Variants in DTL observed in about 807,000 individuals in gnomAD.
DTL encodes denticleless E3 ubiquitin protein ligase adapter, also known as denticleless protein homolog.
A neutral mutation model predicts 87.0 loss-of-function variants in DTL; 46 were observed. The ratio of observed to expected loss-of-function variants is 0.53; its 90% CI spans 0.42 to 0.68. The LOEUF is 0.68. Ranked by LOEUF, DTL falls within the 30% of genes least tolerant of loss-of-function variation. The pLI is 0.00. For missense variants in DTL, 737 were observed against 869.4 expected (o/e 0.85, Z 1.91); for synonymous variants, 308 against 311.2 (o/e 0.99, Z 0.11).
chr1:212,036,016 A>C (rs1667441079), intron 1 of DTL, 74 bp downstream of exon 1: 10 of 1,455,400 alleles, frequency 6.9e-6, no homozygotes, highest in African/African-American at 1.4e-5. Flanking sequence ...ACCTCCGACC[A>C]GGGCCGACTC....
chr1:212,075,730 CAT>C (rs1173669926), intron 11 of DTL, among the ~76,000 whole-genome samples: 3 of 152,090 alleles, frequency 2.0e-5, no homozygotes, highest in Non-Finnish European at 4.4e-5. Flanking sequence ...ATTCATATAA[CAT>C]ATAATTCACC....
At chr1:212,073,953 T>A (rs929929531) in intron 11 of DTL, among the ~76,000 whole-genome samples, 2 of 152,064 alleles carry the variant, frequency 1.3e-5, no homozygotes, top group Non-Finnish European at 2.9e-5. Context: ...TTGCTCACTG[T>A]CTTGCCTATG....
chr1:212,092,114 C>A (rs1485679816), intron 13 of DTL, among the ~76,000 whole-genome samples: 1 of 152,158 alleles, frequency 6.6e-6, no homozygotes, highest in Non-Finnish European at 1.5e-5. Context: ...CCCTTACCTC[C>A]CTCCCACCTT....
rs368102907 is a variant in DTL at position 212,070,071 on chromosome 1, T to C, written c.922+1368T>C. On this transcript the variant is annotated intron_variant, in intron 10 of 14. Transcript: ENST00000366991. ...GAGCTTGGAGAGCTGCTAATTTAGT[T>C]AGTCAAATAAAATAGACTTTTCAAC... Among the ~76,000 whole-genome samples, 13 of 152,320 alleles carry C rather than the reference T, an allele frequency of 8.5e-5. No individual in the cohort carries two copies. The South Asian group carries it at 2.5e-3, about 29-fold the overall frequency.
chr1:212,062,843 G>C (rs770328319), intron 5 of DTL, 41 bp from the exon 6 acceptor site: 1 of 1,518,068 alleles, frequency 6.6e-7, no homozygotes, highest in South Asian at 1.1e-5. Context: ...GTCATTGACT[G>C]GTTTTGTTAA....
intron 5 of DTL, among the ~76,000 whole-genome samples, chr1:212,055,456 C>T (rs574233901): frequency 6.6e-6 from 1 of 152,306 alleles, no homozygotes; most frequent in African/African-American, 2.4e-5. Context: ...CCAGCCCCCA[C>T]CAGACTGTGT....
At chr1:212,079,617 C>T (rs1350887693) in intron 12 of DTL, among the ~76,000 whole-genome samples, 1 of 152,120 alleles carries the variant, frequency 6.6e-6, no homozygotes, top group Non-Finnish European at 1.5e-5. Context: ...TCCCATTTTG[C>T]ATATGAGATT....
chr1:212,066,907 C>T (rs2102552615), intron 8 of DTL, 22 bp downstream of exon 8: 1 of 1,588,446 alleles, frequency 6.3e-7, no homozygotes, highest in African/African-American at 1.3e-5. Flanking sequence ...TTTCTTTTTT[C>T]TTCCGACGAG....
chr1:212,044,804 A>G, intron 3 of DTL, 46 bp downstream of exon 3: 1 of 1,092,758 alleles, frequency 9.2e-7, no homozygotes, highest in Non-Finnish European at 1.4e-6. Flanking sequence ...AAAAAACTTT[A>G]CACATCCTCA....
In DTL at chr1:212,044,851, G is replaced by A. The variant is rs1667764765; in HGVS notation, c.277+93G>A. On this transcript the variant is annotated intron_variant, in intron 3 of 14. Coordinates refer to ENST00000366991, the MANE Select transcript of DTL (RefSeq NM_016448.4). Reference sequence around the variant, plus strand: ...ATTTGAACACATTCTGTTTTAGTCTGTCTTCTGTTGCTATAAAGGAATAAC... The same window carrying A: ...ATTTGAACACATTCTGTTTTAGTCTATCTTCTGTTGCTATAAAGGAATAAC... 6.7e-6 allele frequency: 5 copies of A among 746,098 alleles called. No homozygotes were observed. The East Asian group carries it at 1.3e-4, about 20-fold the overall frequency. 46.2% of individuals were successfully genotyped at this position (746,098 alleles called of 1,614,324 possible).
intron 10 of DTL, among the ~76,000 whole-genome samples, chr1:212,071,046 G>A (rs903376031): frequency 6.6e-6 from 1 of 152,144 alleles, no homozygotes; most frequent in South Asian, 2.1e-4. Flanking sequence ...AGTGATAATA[G>A]GTGTATACAA....
chr1:212,055,849 AC>A (rs1158595525), intron 5 of DTL, among the ~76,000 whole-genome samples: 5 of 152,012 alleles, frequency 3.3e-5, no homozygotes, highest in Admixed American at 6.5e-5. Context: ...ACCCAAGCAC[AC>A]CCTCTGGGAG....
chr1:212,064,444 A>G (rs572848103), intron 6 of DTL, among the ~76,000 whole-genome samples: 155 of 152,322 alleles, frequency 1.0e-3, no homozygotes, highest in African/African-American at 3.5e-3. Flanking sequence ...ATATTGACAA[A>G]TGTGTAATGA....
intron 13 of DTL, among the ~76,000 whole-genome samples, chr1:212,100,014 C>A (rs1012077184): frequency 6.6e-6 from 1 of 151,920 alleles, no homozygotes; most frequent in African/African-American, 2.4e-5. Context: ...TTATGTTTTT[C>A]GGTATTTTGT....
At chr1:212,076,277 T>C (rs1311268911) in intron 11 of DTL, among the ~76,000 whole-genome samples, 1 of 152,188 alleles carries the variant, frequency 6.6e-6, no homozygotes, top group Admixed American at 6.6e-5. Flanking sequence ...TGTTTAACTT[T>C]CTGAGGAAAC....
chr1:212,084,660 A>G (rs1655078644), intron 13 of DTL, among the ~76,000 whole-genome samples: 1 of 152,198 alleles, frequency 6.6e-6, no homozygotes, highest in Non-Finnish European at 1.5e-5. Flanking sequence ...CTAGACCTCT[A>G]AATAGTTTTG....
At chr1:212,087,989 A>G (rs17018472) in intron 13 of DTL, among the ~76,000 whole-genome samples, 4,005 of 152,002 alleles carry the variant, frequency 0.026, 61 homozygotes, top group African/African-American at 0.047. Context: ...CTCTTTCCCT[A>G]TGTTTTAGCC....
chr1:212,041,173 GT>G (rs1365462780), intron 1 of DTL, among the ~76,000 whole-genome samples: 1 of 152,168 alleles, frequency 6.6e-6, no homozygotes, highest in East Asian at 1.9e-4. Context: ...TGGTTCATCA[GT>G]GAAGTGTGTA....
At chr1:212,073,370 AT>A (rs1229697344) in intron 11 of DTL, among the ~76,000 whole-genome samples, 2 of 152,330 alleles carry the variant, frequency 1.3e-5, no homozygotes, top group East Asian at 3.9e-4. Flanking sequence ...GAGTTCACAT[AT>A]TTTGGGTTTT....
Sources: gnomAD v4.1 joint callset for allele counts (sites outside exome capture counted in the v4.1 genomes callset) on GRCh38, gnomAD v4.1.1 for gene constraint, MANE v1.5 for transcripts, NCBI Gene and HGNC (gene_info 2026-07-23, HGNC 2026-07-21) for gene names.